The following DNAH9 variants were observed in gnomAD, a reference collection of about 807,000 sequenced individuals.
The protein encoded by DNAH9 is dynein axonemal heavy chain 9.
DNAH9 carries 345 observed loss-of-function variants against 471.6 expected under a neutral mutation model. The ratio of observed to expected loss-of-function variants is 0.73; its 90% CI spans 0.67 to 0.80. DNAH9 has a LOEUF of 0.80. Ranked by LOEUF, DNAH9 falls within the 30% of genes least tolerant of loss-of-function variation. The pLI, the probability that DNAH9 is intolerant of heterozygous loss-of-function variation, is 0.00. For missense variants in DNAH9, 5,407 were observed against 5,609.2 expected, an observed-to-expected ratio of 0.96 and a Z score of 1.15; for synonymous variants, 2,093 against 2,123.6, an observed-to-expected ratio of 0.99 and a Z score of 0.40.
chr17:11,889,324 G>T (rs552335869), intron 57 of DNAH9, among the ~76,000 whole-genome samples: 2 of 152,200 alleles, frequency 1.3e-5, no homozygotes, highest in Non-Finnish European at 2.9e-5. Flanking sequence ...TGTTTTCTTT[G>T]GTCCTTGGAG....
chr17:11,810,472 T>C, intron 45 of DNAH9, 103 bp downstream of exon 45: 1 of 1,447,580 alleles, frequency 6.9e-7, no homozygotes, highest in Non-Finnish European at 9.3e-7. Flanking sequence ...AAGGTCATAG[T>C]AATGAGGAAG....
intron 49 of DNAH9, among the ~76,000 whole-genome samples, chr17:11,835,748 C>A (rs563275566): frequency 1.4e-4 from 21 of 152,294 alleles, no homozygotes; most frequent in South Asian, 6.2e-4. Context: ...GCTTTCTCTG[C>A]CTTCTCCCGA....
chr17:11,784,451 T>C lies in DNAH9; in HGVS notation c.7973T>C (p.Phe2658Ser). 6.2e-7 allele frequency: 1 copy of C among 1,614,196 alleles called. No individual in the cohort carries two copies. Among genetic ancestry groups the C allele is most frequent in the African/African-American group, 1.3e-5 (1 of 75,064 alleles). ...CCACTGATCGATCTGGCCCTCGCCT[T>C]CCACCAGAAAATTGCTACCACCTTC... ...IPPLIDLALA[F>S]HQKIATTFLP... is the part of the protein sequence containing the mutation. Residue 2658 changes from phenylalanine (F) to serine (S), a missense_variant, in exon 41 of 69, where the codon TTC (phenylalanine) becomes TCC (serine). Physicochemically the swap from Phe to Ser is radical, Grantham distance 155. Coordinates refer to ENST00000262442, the MANE Select transcript of DNAH9 (RefSeq NM_001372.4).
At chr17:11,773,704 T>C (rs1350853217) in intron 38 of DNAH9, among the ~76,000 whole-genome samples, 1 of 152,252 alleles carries the variant, frequency 6.6e-6, no homozygotes, top group Admixed American at 6.5e-5. Flanking sequence ...AAACCTTTTA[T>C]GTTTAATTAT....
intron 52 of DNAH9, among the ~76,000 whole-genome samples, chr17:11,872,897 G>T (rs1034872253): frequency 1.3e-5 from 2 of 152,244 alleles, no homozygotes; most frequent in African/African-American, 4.8e-5. Flanking sequence ...TCCAGCCTGG[G>T]CGACAGAGCG....
chr17:11,910,693 C>A (rs1973766093), intron 61 of DNAH9, among the ~76,000 whole-genome samples: 1 of 152,156 alleles, frequency 6.6e-6, no homozygotes, highest in African/African-American at 2.4e-5. Flanking sequence ...ATTCCAGTTT[C>A]CCCGAGTCTT....
rs1461539183 is a variant in DNAH9, at chr17:11,763,553, A to G, written c.7109A>G (p.Tyr2370Cys). The change falls in exon 36 of 69, where the codon TAT becomes TGT. Residue 2370 changes from tyrosine to cysteine, a missense_variant. Physicochemically the swap from Tyr to Cys is radical, Grantham distance 194. Coordinates refer to ENST00000262442, the MANE Select transcript of DNAH9 (RefSeq NM_001372.4). ...CCTGCAGACTGCCCTAAGGAAATTTATGAGCATTATTTTGTGTTTGCTGCC... is the reference window on the plus strand; with the variant it reads ...CCTGCAGACTGCCCTAAGGAAATTTGTGAGCATTATTTTGTGTTTGCTGCC... ...DIPADCPKEIYEHYFVFAAIW... is the reference protein window; with the variant it reads ...DIPADCPKEICEHYFVFAAIW... 3 of 1,614,108 alleles carry G rather than the reference A, an allele frequency of 1.9e-6. No individual in the cohort carries two copies. The highest frequency in any genetic ancestry group is 1.7e-5 in the Admixed American group (1 of 60,016).
At chr17:11,935,225 G>A (rs1444220272) in intron 65 of DNAH9, among the ~76,000 whole-genome samples, 1 of 152,000 alleles carries the variant, frequency 6.6e-6, no homozygotes, top group Non-Finnish European at 1.5e-5. Context: ...GCCTCCCAAA[G>A]TGCTGGGATT....
At chr17:11,822,086 G>T (rs1418994964) in intron 46 of DNAH9, 24 bp downstream of exon 46, 1 of 1,600,618 alleles carries the variant, frequency 6.2e-7, no homozygotes, top group African/African-American at 1.3e-5. Context: ...ACTGACAGGG[G>T]CAGGCAGAGA....
chr17:11,774,129 C>A (rs1218761890), intron 38 of DNAH9, among the ~76,000 whole-genome samples: 1 of 152,016 alleles, frequency 6.6e-6, no homozygotes, highest in Non-Finnish European at 1.5e-5. Flanking sequence ...GAGTGAGATC[C>A]CTGCCACAAA....
rs542023597 is a variant in DNAH9, at chr17:11,773,735, A to G, written c.7552+4406A>G. 2.0e-5 allele frequency among the ~76,000 whole-genome samples: 3 copies of G among 152,356 alleles called. No individual in the cohort carries two copies. The East Asian group carries it at 5.8e-4, about 29-fold the overall frequency. On this transcript the variant is annotated intron_variant, in intron 38 of 68. Transcript: ENST00000262442. ...ATTATAAAATATTTCAAACATGTAC[A>G]AAAGTACAGAAAACAATATAACAGA...
At chr17:11,887,890 G>A (rs1256423351) in intron 57 of DNAH9, among the ~76,000 whole-genome samples, 1 of 152,162 alleles carries the variant, frequency 6.6e-6, no homozygotes, top group Admixed American at 6.5e-5. Context: ...GGGCTCATTT[G>A]ATTGAAGATG....
At chr17:11,678,029 C>A (rs2074075377) in intron 17 of DNAH9, among the ~76,000 whole-genome samples, 1 of 151,356 alleles carries the variant, frequency 6.6e-6, no homozygotes, top group Admixed American at 6.6e-5. Flanking sequence ...TATATATACA[C>A]CAAATGTTTA....
chr17:11,621,809 C>T (rs966555664), intron 6 of DNAH9, among the ~76,000 whole-genome samples: 2 of 151,998 alleles, frequency 1.3e-5, no homozygotes, highest in Admixed American at 6.6e-5. Flanking sequence ...GGGCTGGGTG[C>T]GGTGGCTCAC....
chr17:11,714,354 T>G (rs1013700134), intron 26 of DNAH9, among the ~76,000 whole-genome samples: 5 of 152,224 alleles, frequency 3.3e-5, no homozygotes, highest in African/African-American at 1.2e-4. Context: ...TAATATTATT[T>G]AGAAATTTGT....
At chr17:11,642,014 C>G (rs1444340144) in intron 10 of DNAH9, among the ~76,000 whole-genome samples, 1 of 152,078 alleles carries the variant, frequency 6.6e-6, no homozygotes, top group Non-Finnish European at 1.5e-5. Context: ...AGGGGCGTGA[C>G]CTTTGGGTGA....
intron 8 of DNAH9, among the ~76,000 whole-genome samples, chr17:11,636,155 G>A (rs111926651): frequency 7.9e-5 from 12 of 151,930 alleles, no homozygotes; most frequent in African/African-American, 1.7e-4. Flanking sequence ...ACAGGCACCC[G>A]CCACCACACC....
chr17:11,860,164 T>C (rs1436382890), intron 50 of DNAH9, among the ~76,000 whole-genome samples: 1 of 152,238 alleles, frequency 6.6e-6, no homozygotes, highest in Non-Finnish European at 1.5e-5. Flanking sequence ...ATATTGTTCA[T>C]AACAGATCTA....
At chr17:11,624,384 G>T (rs993200503) in intron 6 of DNAH9, among the ~76,000 whole-genome samples, 1 of 152,014 alleles carries the variant, frequency 6.6e-6, no homozygotes, top group Non-Finnish European at 1.5e-5. Context: ...CGGCATACCC[G>T]TGTAATCCCA....
Sources: allele counts gnomAD v4.1 joint callset (sites outside exome capture counted in the v4.1 genomes callset), GRCh38; gene constraint gnomAD v4.1.1; transcripts MANE v1.5; gene names NCBI Gene and HGNC (gene_info 2026-07-23, HGNC 2026-07-21).